SNX29: variants seen among roughly 807,000 people sequenced by gnomAD.
SNX29 encodes sorting nexin-29.
SNX29 carries 78 observed loss-of-function variants against 102.1 expected under a neutral mutation model. That is an observed-to-expected ratio of 0.76 (90% CI 0.64 to 0.92). The LOEUF (loss-of-function observed/expected upper bound fraction) is 0.92, where lower values mean the gene tolerates loss of function less well. Among genes scored for constraint, SNX29 ranks in the 40% least tolerant of loss-of-function variants. SNX29 has a pLI of 0.00. For missense variants in SNX29, 1,280 were observed against 1,061.7 expected (o/e 1.21, Z -2.86); for synonymous variants, 580 against 414.5 (o/e 1.40, Z -4.85).
chr16:12,039,029 G>A (rs917074035), intron 4 of SNX29, among the ~76,000 whole-genome samples: 1 of 152,166 alleles, frequency 6.6e-6, no homozygotes, highest in East Asian at 1.9e-4. Flanking sequence ...AGATAGTCTC[G>A]AGGGACCTGC....
chr16:12,399,948 G>A (rs1314780844), intron 17 of SNX29, among the ~76,000 whole-genome samples: 1 of 152,104 alleles, frequency 6.6e-6, no homozygotes, highest in Non-Finnish European at 1.5e-5. Flanking sequence ...CAGACACGAG[G>A]CTGGAAGCAC....
At chr16:12,224,920 C>G (rs1308741593) in intron 14 of SNX29, among the ~76,000 whole-genome samples, 2 of 152,126 alleles carry the variant, frequency 1.3e-5, no homozygotes, top group African/African-American at 4.8e-5. Context: ...CAGAACCAAA[C>G]CTGAGCATTC....
chr16:12,086,255 C>T (rs186012414), intron 11 of SNX29, among the ~76,000 whole-genome samples: 21 of 152,224 alleles, frequency 1.4e-4, no homozygotes, highest in South Asian at 4.1e-4. Flanking sequence ...CTGCCCGCCT[C>T]GGCGTCTCAA....
intron 15 of SNX29, among the ~76,000 whole-genome samples, chr16:12,281,689 C>A (rs1037909709): frequency 6.6e-6 from 1 of 152,130 alleles, no homozygotes; most frequent in African/African-American, 2.4e-5. Flanking sequence ...GAGAAGAGTT[C>A]TTTGAGGAGG....
chr16:12,521,714 C>T (rs938050818), intron 19 of SNX29, among the ~76,000 whole-genome samples: 3 of 152,182 alleles, frequency 2.0e-5, no homozygotes, highest in Non-Finnish European at 4.4e-5. Context: ...ACTAGCCAGG[C>T]ATCTTAACCA....
chr16:12,502,682 T>G (rs1308230669), intron 19 of SNX29, among the ~76,000 whole-genome samples: 4 of 152,188 alleles, frequency 2.6e-5, no homozygotes, highest in Non-Finnish European at 2.9e-5. Flanking sequence ...TGGAAAAGAT[T>G]TACACTTTTG....
intron 20 of SNX29, among the ~76,000 whole-genome samples, chr16:12,533,233 C>T (rs1407816894): frequency 2.0e-5 from 3 of 152,238 alleles, no homozygotes; most frequent in Admixed American, 6.5e-5. Flanking sequence ...CTGTTTTGCC[C>T]AAAGGGCAGC....
intron 9 of SNX29, among the ~76,000 whole-genome samples, chr16:12,067,924 G>T (rs964069907): frequency 6.6e-6 from 1 of 152,218 alleles, no homozygotes; most frequent in Non-Finnish European, 1.5e-5. Context: ...CAGGTCCCTA[G>T]CCCGTTAGTT....
rs1368755112 is a variant in SNX29 at position 12,538,647 on chromosome 16, TGAAACA to T, written c.2318+13811_2318+13816del. Among the ~76,000 whole-genome samples, 3 of 152,028 alleles carry T rather than the reference TGAAACA, an allele frequency of 2.0e-5. No homozygotes were observed. In the East Asian group the frequency reaches 5.8e-4, roughly 29 times the overall value. The stretch of plus-strand genomic sequence containing the variant: ...TAGGAAGAATGGAAAAACTGGGCTG[TGAAACA>T]GAAAGATCCACAGATCTTTCATCCT... On this transcript the variant is annotated intron_variant, in intron 20 of 20. Transcript: ENST00000566228.
chr16:12,221,463 A>T (rs1444375474), intron 14 of SNX29, among the ~76,000 whole-genome samples: 1 of 152,106 alleles, frequency 6.6e-6, no homozygotes, highest in African/African-American at 2.4e-5. Context: ...AAAAATACAA[A>T]ATTAGCTGGG....
chr16:12,380,395 TCATCCATCCACCCAC>T (rs2083038212), intron 16 of SNX29, among the ~76,000 whole-genome samples: 1 of 18,082 alleles, frequency 5.5e-5, no homozygotes, highest in African/African-American at 1.4e-4. Flanking sequence ...CACCCACCCC[TCATCCATCCACCCAC>T]CCACCCACCC....
chr16:12,155,453 G>A (rs142256533), intron 13 of SNX29, among the ~76,000 whole-genome samples: 75 of 152,258 alleles, frequency 4.9e-4, no homozygotes, highest in African/African-American at 1.6e-3. Context: ...ATTAACAAGT[G>A]GAGGAGGGGA....
At chr16:12,552,872 G>GGGAGACATGGACAT (rs2078072882) in intron 20 of SNX29, among the ~76,000 whole-genome samples, 1 of 152,354 alleles carries the variant, frequency 6.6e-6, no homozygotes, top group South Asian at 2.1e-4. Flanking sequence ...GCAGGGCCTG[G>GGGAGACATGGACAT]GGAGACATGG....
chr16:12,458,971 G>T lies in SNX29; in HGVS notation c.2038-18748G>T, dbSNP rs1343519745. Among the ~76,000 whole-genome samples, 8 of 152,132 alleles carry T rather than the reference G, an allele frequency of 5.3e-5. 1 individual carries two copies. The highest frequency in any genetic ancestry group is 2.6e-4 in the Admixed American group (4 of 15,276). Reference sequence around the variant, plus strand: ...TTGCCTTATATAAGTAAAACATTCTGTTGTAGCTTGATCTAGGGTCTCAGC... The same window carrying T: ...TTGCCTTATATAAGTAAAACATTCTTTTGTAGCTTGATCTAGGGTCTCAGC... On this transcript the variant is annotated intron_variant, in intron 18 of 20. Coordinates refer to ENST00000566228, the MANE Select transcript of SNX29 (RefSeq NM_032167.5).
chr16:12,488,166 A>C (rs1348210602), intron 19 of SNX29, among the ~76,000 whole-genome samples: 1 of 152,244 alleles, frequency 6.6e-6, no homozygotes, highest in Non-Finnish European at 1.5e-5. Flanking sequence ...ATTTATAGAC[A>C]AAAGAATCCA....
intron 1 of SNX29, 124 bp downstream of exon 1, chr16:11,976,937 CT>C: frequency 2.5e-6 from 3 of 1,203,888 alleles, no homozygotes; most frequent in East Asian, 3.2e-5. Flanking sequence ...CAGTCGCTCC[CT>C]TTTCCAGACC....
intron 13 of SNX29, among the ~76,000 whole-genome samples, chr16:12,156,253 A>C (rs4781189): frequency 0.17 from 25,475 of 152,206 alleles, 2,315 homozygotes; most frequent in East Asian, 0.27. Flanking sequence ...GGCTCACTGC[A>C]ACCTCTGCCT....
chr16:12,168,750 A>G (rs554716355), intron 13 of SNX29, among the ~76,000 whole-genome samples: 2 of 152,326 alleles, frequency 1.3e-5, no homozygotes, highest in South Asian at 2.1e-4. Context: ...GTATTGAGTT[A>G]TTATTAGATC....
chr16:12,515,216 G>C (rs749282225), intron 19 of SNX29, among the ~76,000 whole-genome samples: 4 of 152,150 alleles, frequency 2.6e-5, no homozygotes, highest in Non-Finnish European at 5.9e-5. Context: ...TCAGGCGTGT[G>C]TTGTGGCTTT....
Sources: gnomAD v4.1 joint callset for allele counts (sites outside exome capture counted in the v4.1 genomes callset) on GRCh38, gnomAD v4.1.1 for gene constraint, MANE v1.5 for transcripts, NCBI Gene and HGNC (gene_info 2026-07-23, HGNC 2026-07-21) for gene names.